RBFOX1: variants seen among roughly 807,000 people sequenced by gnomAD.
RBFOX1 encodes the protein RNA binding fox-1 homolog 1.
A neutral mutation model predicts 57.7 loss-of-function variants in RBFOX1; 8 were observed. The ratio of observed to expected loss-of-function variants is 0.14; its 90% CI spans 0.08 to 0.25. RBFOX1 has a LOEUF of 0.25. RBFOX1 is among the 10% of genes least tolerant of loss of function. The pLI is 1.00. For synonymous variants in RBFOX1, 326 were observed against 222.4 expected (o/e 1.47, Z -4.15); for missense variants, 611 against 548.5 (o/e 1.11, Z -1.14).
intron 4 of RBFOX1, among the ~76,000 whole-genome samples, chr16:7,203,395 C>T (rs13334986): frequency 0.045 from 6,812 of 152,146 alleles, 488 homozygotes; most frequent in African/African-American, 0.16. Context: ...GGGGAAAGGA[C>T]AGTTATTGTT....
rs142024067 is a variant in RBFOX1 at position 6,781,437 on chromosome 16, C to G, written c.-16+126787C>G. On this transcript the variant is annotated intron_variant, in intron 3 of 15. Transcript: ENST00000550418. ...TTTTGGCATTAGGATAATCCTGATCCTGTAGAATGAGTTTGGAAGTATTGT... is the reference window on the plus strand; with the variant it reads ...TTTTGGCATTAGGATAATCCTGATCGTGTAGAATGAGTTTGGAAGTATTGT... 1.7e-3 allele frequency among the ~76,000 whole-genome samples: 254 copies of G among 152,104 alleles called. 1 individual carries two copies. The highest frequency in any genetic ancestry group is 5.9e-3 in the African/African-American group (245 of 41,476).
intron 2 of RBFOX1, among the ~76,000 whole-genome samples, chr16:5,569,546 A>T (rs2046206836): frequency 7.1e-6 from 1 of 141,170 alleles, no homozygotes; most frequent in Non-Finnish European, 1.5e-5. Context: ...CGATTCTCAG[A>T]ATAGATCTAT....
intron 2 of RBFOX1, among the ~76,000 whole-genome samples, chr16:6,476,740 G>A (rs944057502): frequency 6.6e-5 from 10 of 152,144 alleles, no homozygotes; most frequent in African/African-American, 2.4e-4. Context: ...TTATCACATG[G>A]ATTGATTCTT....
At chr16:6,116,258 A>G (rs1219500789) in intron 1 of RBFOX1, among the ~76,000 whole-genome samples, 1 of 142,994 alleles carries the variant, frequency 7.0e-6, no homozygotes, top group Non-Finnish European at 1.5e-5. Context: ...ATCACACACC[A>G]GGGCCTGTCA....
intron 3 of RBFOX1, among the ~76,000 whole-genome samples, chr16:6,959,116 C>G (rs538415900): frequency 7.6e-4 from 116 of 152,064 alleles, no homozygotes; most frequent in Non-Finnish European, 1.2e-3. Context: ...TCGGCTTTGT[C>G]TTTTCAGAAA....
At chr16:5,787,695 G>A (rs2054551324) in intron 3 of RBFOX1, among the ~76,000 whole-genome samples, 1 of 152,220 alleles carries the variant, frequency 6.6e-6, no homozygotes, top group African/African-American at 2.4e-5. Context: ...GGAGGGAACA[G>A]GAAGGCGAGC....
chr16:6,559,164 T>G (rs189128402), intron 2 of RBFOX1, among the ~76,000 whole-genome samples: 11,156 of 135,278 alleles, frequency 0.082, 559 homozygotes, highest in East Asian at 0.14. Context: ...TATGACTGTT[T>G]GTGTGTACAT....
chr16:5,651,312 C>A (rs1430604413), intron 3 of RBFOX1, among the ~76,000 whole-genome samples: 1 of 152,074 alleles, frequency 6.6e-6, no homozygotes, highest in Non-Finnish European at 1.5e-5. Context: ...CTTGGCCTCC[C>A]AGAGTGCTGG....
chr16:7,278,522 T>A (rs2095483637), intron 4 of RBFOX1, among the ~76,000 whole-genome samples: 1 of 152,226 alleles, frequency 6.6e-6, no homozygotes, highest in African/African-American at 2.4e-5. Context: ...TAAGAAAGTG[T>A]ATTCATCCTT....
chr16:6,703,314 C>G (rs189952128), intron 3 of RBFOX1, among the ~76,000 whole-genome samples: 21 of 152,174 alleles, frequency 1.4e-4, no homozygotes, highest in Admixed American at 1.2e-3. Flanking sequence ...GTAGCTTACA[C>G]CTGTGATCCA....
At chr16:5,924,533 C>G (rs2058902006) in intron 4 of RBFOX1, among the ~76,000 whole-genome samples, 1 of 152,184 alleles carries the variant, frequency 6.6e-6, no homozygotes, top group Non-Finnish European at 1.5e-5. Context: ...CTTGCCTTCT[C>G]TCTTGCCCTG....
chr16:6,595,723 A>G (rs1288297047), intron 2 of RBFOX1, among the ~76,000 whole-genome samples: 3 of 151,992 alleles, frequency 2.0e-5, no homozygotes, highest in African/African-American at 7.2e-5. Flanking sequence ...AATACTTGTT[A>G]TTATTTCTCT....
chr16:6,395,801 ACG>A (rs2092805491), intron 2 of RBFOX1, among the ~76,000 whole-genome samples: 1 of 152,152 alleles, frequency 6.6e-6, no homozygotes, highest in South Asian at 2.1e-4. Context: ...ACAGTAGCTC[ACG>A]CTTGTAATCC....
chr16:6,596,959 T>G (rs1256045683), intron 2 of RBFOX1, among the ~76,000 whole-genome samples: 2 of 152,190 alleles, frequency 1.3e-5, no homozygotes, highest in East Asian at 3.9e-4. Flanking sequence ...TTTCTGCCAC[T>G]AGCACAGCTT....
At chr16:6,872,090 G>T (rs2061013290) in intron 3 of RBFOX1, among the ~76,000 whole-genome samples, 1 of 152,034 alleles carries the variant, frequency 6.6e-6, no homozygotes, top group African/African-American at 2.4e-5. Flanking sequence ...TCTTTTCACA[G>T]CATAATTGTA....
At chr16:5,418,067 G>A (rs1436758595) in intron 1 of RBFOX1, among the ~76,000 whole-genome samples, 3 of 135,604 alleles carry the variant, frequency 2.2e-5, no homozygotes, top group Non-Finnish European at 4.6e-5. Context: ...GGCAACAAGA[G>A]CAAAACTCCA....
At chr16:6,322,432 C>G (rs1002034701) in intron 2 of RBFOX1, among the ~76,000 whole-genome samples, 2 of 152,186 alleles carry the variant, frequency 1.3e-5, no homozygotes, top group African/African-American at 4.8e-5. Flanking sequence ...TACACTTGGT[C>G]TCACCAGTTG....
At chr16:5,940,977 G>C (rs1287713610) in intron 4 of RBFOX1, among the ~76,000 whole-genome samples, 1 of 152,186 alleles carries the variant, frequency 6.6e-6, no homozygotes, top group Non-Finnish European at 1.5e-5. Flanking sequence ...GACCTTCTGA[G>C]TCTGTTTCCT....
At chr16:5,875,027 A>C (rs1389183610) in intron 4 of RBFOX1, among the ~76,000 whole-genome samples, 1 of 152,152 alleles carries the variant, frequency 6.6e-6, no homozygotes, top group East Asian at 1.9e-4. Flanking sequence ...AGAGAGAAGA[A>C]ATAGCTGATA....
Sources: allele counts gnomAD v4.1 joint callset (sites outside exome capture counted in the v4.1 genomes callset), GRCh38; gene constraint gnomAD v4.1.1; transcripts MANE v1.5; gene names NCBI Gene and HGNC (gene_info 2026-07-23, HGNC 2026-07-21).